Variants in SPATS2 observed in about 807,000 individuals in gnomAD.
SPATS2 encodes the protein spermatogenesis-associated serine-rich protein 2.
SPATS2 carries 38 observed loss-of-function variants against 63.7 expected under a neutral mutation model. The ratio of observed to expected loss-of-function variants is 0.60; its 90% CI spans 0.46 to 0.78. SPATS2 has a LOEUF of 0.78. Among genes scored for constraint, SPATS2 ranks in the 30% least tolerant of loss-of-function variants. SPATS2 has a pLI of 0.00. For synonymous variants in SPATS2, 207 were observed against 232.9 expected (o/e 0.89, Z 1.01); for missense variants, 588 against 666.2 (o/e 0.88, Z 1.29).
chr12:49,469,525 A>C (rs1041295918), intron 3 of SPATS2: 1 of 418,654 alleles, frequency 2.4e-6, no homozygotes, highest in Non-Finnish European at 4.6e-6. Context: ...CTGTCACTGC[A>C]CTATGGGCTG....
intron 9 of SPATS2, among the ~76,000 whole-genome samples, chr12:49,505,796 T>C (rs1312352993): frequency 6.6e-6 from 1 of 152,226 alleles, no homozygotes; most frequent in Non-Finnish European, 1.5e-5. Context: ...AATATTTGAA[T>C]GTATATATTC....
At position 49,520,082 on chromosome 12, in the gene SPATS2, C is replaced by T. The variant is rs4898523; in HGVS notation, c.1008+900C>T. Among the ~76,000 whole-genome samples the T allele has an allele frequency of 4.9e-3, 742 of 152,148 alleles. 2 individuals carry two copies. Among genetic ancestry groups the T allele is most frequent in the Non-Finnish European group, 8.4e-3 (571 of 67,998 alleles). ...GCAACCTCCGCCTCCCCGGTTCAAG[C>T]GCTTCTCCTGCCTCAGCCTCCCAAG... On this transcript the variant is annotated intron_variant, in intron 11 of 13. Transcript: ENST00000552918.
intron 2 of SPATS2, among the ~76,000 whole-genome samples, chr12:49,444,666 T>C (rs1313889738): frequency 1.3e-5 from 2 of 151,626 alleles, no homozygotes; most frequent in Admixed American, 6.6e-5. Flanking sequence ...TGCAATGGTG[T>C]GATCTCGGCT....
At chr12:49,491,352 TAAAA>T (rs1248273126) in intron 6 of SPATS2, among the ~76,000 whole-genome samples, 1 of 152,112 alleles carries the variant, frequency 6.6e-6, no homozygotes, top group Non-Finnish European at 1.5e-5. Flanking sequence ...ATAAATCAGT[TAAAA>T]CAGTTCAGAT....
At chr12:49,450,846 T>TTTTTG (rs1285045242) in intron 2 of SPATS2, among the ~76,000 whole-genome samples, 1 of 149,110 alleles carries the variant, frequency 6.7e-6, no homozygotes, top group African/African-American at 2.5e-5. Context: ...GTCAGCCTAT[T>TTTTTG]TTTTGTTTTG....
At chr12:49,436,256 C>T (rs1945284164) in intron 2 of SPATS2, among the ~76,000 whole-genome samples, 2 of 148,962 alleles carry the variant, frequency 1.3e-5, no homozygotes, top group Non-Finnish European at 3.0e-5. Flanking sequence ...GACGGGGCGG[C>T]TGGCCGGGCG....
At chr12:49,393,425 TTTA>T (rs1944454526) in intron 2 of SPATS2, among the ~76,000 whole-genome samples, 3 of 152,116 alleles carry the variant, frequency 2.0e-5, no homozygotes, top group African/African-American at 7.2e-5. Flanking sequence ...TTATTCTGTA[TTTA>T]TTAGGTAGAA....
intron 2 of SPATS2, among the ~76,000 whole-genome samples, chr12:49,403,782 G>T (rs919261609): frequency 5.9e-5 from 9 of 152,110 alleles, no homozygotes; most frequent in Non-Finnish European, 1.3e-4. Context: ...TGGGGCCTCA[G>T]CTCAAGGGTT....
At chr12:49,377,549 C>T (rs192467238) in intron 2 of SPATS2, among the ~76,000 whole-genome samples, 35 of 152,250 alleles carry the variant, frequency 2.3e-4, no homozygotes, top group East Asian at 7.7e-4. Context: ...TCACACTGTA[C>T]GGGCTAATTA....
At chr12:49,456,773 G>A (rs1945726389) in intron 2 of SPATS2, among the ~76,000 whole-genome samples, 1 of 152,130 alleles carries the variant, frequency 6.6e-6, no homozygotes, top group Non-Finnish European at 1.5e-5. Flanking sequence ...TTTATTTAAA[G>A]GGAAATTTCC....
intron 2 of SPATS2, among the ~76,000 whole-genome samples, chr12:49,422,927 T>G (rs1161535500): frequency 6.6e-6 from 1 of 151,922 alleles, no homozygotes; most frequent in Non-Finnish European, 1.5e-5. Flanking sequence ...AAAAAAAAAT[T>G]TTTTTAATTG....
intron 2 of SPATS2, among the ~76,000 whole-genome samples, chr12:49,451,731 C>T (rs1225348072): frequency 1.3e-5 from 2 of 152,290 alleles, no homozygotes; most frequent in East Asian, 1.9e-4. Context: ...TGGGTACAGT[C>T]GGGTTACCAT....
At chr12:49,389,654 C>A in intron 2 of SPATS2, 1 of 1,326,318 alleles carries the variant, frequency 7.5e-7, no homozygotes, top group Non-Finnish European at 1.1e-6. Flanking sequence ...GAAGCAGTAT[C>A]AGAAAGAAAT....
chr12:49,430,395 C>A (rs987493689), intron 2 of SPATS2, among the ~76,000 whole-genome samples: 1 of 151,974 alleles, frequency 6.6e-6, no homozygotes, highest in Admixed American at 6.6e-5. Context: ...ACCCACCATG[C>A]CTGGCATTTC....
At chr12:49,520,618 G>A (rs113034218) in intron 11 of SPATS2, among the ~76,000 whole-genome samples, 69 of 152,238 alleles carry the variant, frequency 4.5e-4, no homozygotes, top group Non-Finnish European at 8.5e-4. Context: ...TTGGTCTTCT[G>A]TAAATAGTTG....
intron 3 of SPATS2, among the ~76,000 whole-genome samples, chr12:49,467,730 G>A (rs370118603): frequency 1.3e-4 from 19 of 151,748 alleles, no homozygotes; most frequent in African/African-American, 4.1e-4. Context: ...ACGGAGTCTC[G>A]CTCTGTCGCC....
At chr12:49,496,388 C>T (rs1329611374) in intron 7 of SPATS2, among the ~76,000 whole-genome samples, 1 of 152,238 alleles carries the variant, frequency 6.6e-6, no homozygotes, top group Non-Finnish European at 1.5e-5. Context: ...CCTGGGATTA[C>T]TGGCGTGAGC....
chr12:49,420,078 G>A (rs1944953398), intron 2 of SPATS2, among the ~76,000 whole-genome samples: 1 of 152,160 alleles, frequency 6.6e-6, no homozygotes, highest in Non-Finnish European at 1.5e-5. Context: ...CTTCAACAAT[G>A]GCTATGCTTC....
chr12:49,524,484 G>A (rs1044953293), intron 12 of SPATS2, among the ~76,000 whole-genome samples, 198 bp from the exon 13 acceptor site: 7 of 152,220 alleles, frequency 4.6e-5, no homozygotes, highest in African/African-American at 1.7e-4. Flanking sequence ...CCTTTACAAA[G>A]CAGTGGGGCT....
Sources: allele counts gnomAD v4.1 joint callset (sites outside exome capture counted in the v4.1 genomes callset), GRCh38; gene constraint gnomAD v4.1.1; transcripts MANE v1.5; gene names NCBI Gene and HGNC (gene_info 2026-07-23, HGNC 2026-07-21).